RERE: variants seen among roughly 807,000 people sequenced by gnomAD.
RERE encodes arginine-glutamic acid dipeptide repeats.
Under a neutral mutation model 146.1 loss-of-function variants are expected in RERE, and 40 were observed. The observed-to-expected ratio is 0.27, with a 90% CI of 0.21 to 0.36. The LOEUF is 0.36. RERE is among the 10% of genes least tolerant of loss of function. RERE has a pLI of 1.00. For synonymous variants in RERE, 1,003 were observed against 866.0 expected, an observed-to-expected ratio of 1.16 and a Z score of -2.78; for missense variants, 1,933 against 2,138.7, an observed-to-expected ratio of 0.90 and a Z score of 1.90.
chr1:8,631,300 C>T (rs1481786416), intron 2 of RERE, among the ~76,000 whole-genome samples: 3 of 152,104 alleles, frequency 2.0e-5, no homozygotes, highest in Non-Finnish European at 4.4e-5. Context: ...TTTGGGAGGC[C>T]GAGGCAGAGG....
At chr1:8,478,195 A>G (rs1156362174) in intron 10 of RERE, among the ~76,000 whole-genome samples, 2 of 152,204 alleles carry the variant, frequency 1.3e-5, no homozygotes, top group African/African-American at 4.8e-5. Flanking sequence ...GAGACACAAA[A>G]ATTTAGCAAC....
In RERE at chr1:8,423,617, C is replaced by T; in HGVS notation, c.1204-810G>A. On this transcript the variant is annotated intron_variant, in intron 11 of 22. Transcript: ENST00000400908. This position sits in a 1 kb window ranked among gnomAD's most constrained non-coding sequence, Gnocchi z 5.4. ...GACCCCAGCAGCCACAGGTAAGCGC[C>T]CGGGGTCCGGGGCGGCAAGAGGCCG... 1 of 985,224 alleles carries T rather than the reference C, an allele frequency of 1.0e-6. No homozygotes were observed. The highest frequency in any genetic ancestry group is 1.2e-6 in the Non-Finnish European group (1 of 829,886). 61.0% of individuals were successfully genotyped at this position (985,224 alleles called of 1,614,324 possible).
intron 4 of RERE, among the ~76,000 whole-genome samples, chr1:8,601,576 T>A (rs946898739): frequency 6.7e-6 from 1 of 149,594 alleles, no homozygotes; most frequent in Non-Finnish European, 1.5e-5. Context: ...CCTTCCATGA[T>A]CCTTTGGATT....
In RERE at chr1:8,356,042, C is replaced by T. The variant is rs1641277195; in HGVS notation, c.4486+58G>A. 4 of 1,447,564 alleles carry T rather than the reference C, an allele frequency of 2.8e-6. No individual in the cohort carries two copies. In the South Asian group the frequency reaches 4.5e-5, roughly 16 times the overall value. 89.7% of individuals were successfully genotyped at this position (1,447,564 alleles called of 1,614,324 possible). On this transcript the variant is annotated intron_variant, in intron 21 of 22. Coordinates refer to ENST00000400908, the MANE Select transcript of RERE (RefSeq NM_001042681.2). This position sits in a 1 kb window ranked among gnomAD's most constrained non-coding sequence, Gnocchi z 5.2. ...TGAGTAATGAATGAAGACAGCAGAC[C>T]AGACCCCAACCCAACCCTCACACGG...
chr1:8,433,873 A>T (rs12047377), intron 11 of RERE, among the ~76,000 whole-genome samples: 42,389 of 152,132 alleles, frequency 0.28, 6,744 homozygotes, highest in East Asian at 0.75. Context: ...TTCATTTCTA[A>T]AAGAAGTCCT....
Position 8,595,475 on chromosome 1 carries a change from TTATG to T in RERE, c.522+19082_522+19085del, listed in dbSNP as rs1465972957. Among the ~76,000 whole-genome samples the T allele has an allele frequency of 2.0e-5, 3 of 151,804 alleles. No individual in the cohort carries two copies. In the East Asian group the frequency reaches 5.8e-4, roughly 29 times the overall value. On this transcript the variant is annotated intron_variant, in intron 4 of 22. Coordinates refer to ENST00000400908, the MANE Select transcript of RERE (RefSeq NM_001042681.2). The stretch of plus-strand genomic sequence containing the variant: ...GTATTTTATTATTAATGTTTTATTT[TTATG>T]TATTATTTTAATGTATTTATTTTTA...
intron 1 of RERE, among the ~76,000 whole-genome samples, chr1:8,767,196 T>C (rs1179215116): frequency 6.6e-6 from 1 of 152,210 alleles, no homozygotes; most frequent in Non-Finnish European, 1.5e-5. Flanking sequence ...AGTTCTAATT[T>C]GATGGCTTCT....
intron 12 of RERE, among the ~76,000 whole-genome samples, chr1:8,399,806 T>TAAA (rs59690444): frequency 1.3e-5 from 2 of 149,112 alleles, no homozygotes; most frequent in South Asian, 2.1e-4. Context: ...TGTCTTTTTT[T>TAAA]AAAAAAAAAA....
intron 1 of RERE, among the ~76,000 whole-genome samples, chr1:8,686,472 G>C (rs187937992): frequency 6.6e-6 from 1 of 152,154 alleles, no homozygotes; most frequent in Non-Finnish European, 1.5e-5. Context: ...AGATGTAGCC[G>C]GGCACGGTGG....
In RERE at chr1:8,390,453, T is replaced by C. The variant is rs190193833; in HGVS notation, c.1285-24479A>G. ...GGCTCTTCCCCTGCCCACTAATCTA[T>C]GTCCCATAGTCCGAACTGTATCAAT... On this transcript the variant is annotated intron_variant, in intron 12 of 22. Coordinates refer to ENST00000400908, the MANE Select transcript of RERE (RefSeq NM_001042681.2). Among the ~76,000 whole-genome samples, 3 of 152,318 alleles carry C rather than the reference T, an allele frequency of 2.0e-5. No homozygotes were observed. The East Asian group carries it at 5.8e-4, about 29-fold the overall frequency.
chr1:8,474,118 T>TA (rs1460823175), intron 10 of RERE, among the ~76,000 whole-genome samples: 1 of 152,254 alleles, frequency 6.6e-6, no homozygotes, highest in Non-Finnish European at 1.5e-5. Flanking sequence ...TTAATATATA[T>TA]AAGTGCTTTA....
At chr1:8,373,392 G>C (rs1461373727) in intron 12 of RERE, among the ~76,000 whole-genome samples, 3 of 151,904 alleles carry the variant, frequency 2.0e-5, no homozygotes, top group African/African-American at 7.3e-5. Flanking sequence ...CACGTAAAGG[G>C]GATGAAGAAA....
In RERE at chr1:8,355,069, C is replaced by A. The variant is rs138300238; in HGVS notation, c.*18G>T. Reference sequence around the variant, plus strand: ...CAAGAACTGGGGTTTCCACAGCCAGCGTTAACAAATAAATAACTTATAACT... The same window carrying A: ...CAAGAACTGGGGTTTCCACAGCCAGAGTTAACAAATAAATAACTTATAACT... On this transcript the variant is annotated 3_prime_UTR_variant, in exon 23 of 23. Coordinates refer to ENST00000400908, the MANE Select transcript of RERE (RefSeq NM_001042681.2). 1.2e-6 allele frequency: 2 copies of A among 1,610,844 alleles called. No homozygotes were observed. Among genetic ancestry groups the A allele is most frequent in the East Asian group, 4.5e-5 (2 of 44,860 alleles).
chr1:8,762,956 AATT>A (rs1026355341), intron 1 of RERE, among the ~76,000 whole-genome samples: 1 of 152,182 alleles, frequency 6.6e-6, no homozygotes, highest in Admixed American at 6.5e-5. Flanking sequence ...AGGAAAAAAA[AATT>A]ATCACAGTCC....
chr1:8,809,071 G>A (rs1046354335), intron 1 of RERE, among the ~76,000 whole-genome samples: 2 of 148,618 alleles, frequency 1.3e-5, no homozygotes, highest in African/African-American at 5.0e-5. Flanking sequence ...CCGGGAGGCA[G>A]AGCTTGCAGT....
chr1:8,719,246 T>C (rs1396952074), intron 1 of RERE, among the ~76,000 whole-genome samples: 1 of 152,110 alleles, frequency 6.6e-6, no homozygotes, highest in East Asian at 1.9e-4. Context: ...TCCTGCCTCC[T>C]CTCTCCCCTT....
chr1:8,722,052 T>G (rs941854379), intron 1 of RERE, among the ~76,000 whole-genome samples: 1 of 152,232 alleles, frequency 6.6e-6, no homozygotes, highest in African/African-American at 2.4e-5. Context: ...CAGCCCTTTT[T>G]CTGTCTATGA....
At chr1:8,650,771 C>T (rs1647582710) in intron 2 of RERE, among the ~76,000 whole-genome samples, 1 of 152,062 alleles carries the variant, frequency 6.6e-6, no homozygotes, top group Non-Finnish European at 1.5e-5. Flanking sequence ...GTGGCACGCG[C>T]CTGTAATCCC....
chr1:8,580,073 C>T (rs1337084592), intron 4 of RERE, among the ~76,000 whole-genome samples: 1 of 152,082 alleles, frequency 6.6e-6, no homozygotes, highest in African/African-American at 2.4e-5. Context: ...ACAGTAAAAT[C>T]GAAGGACACT....
Sources: gnomAD v4.1 joint callset for allele counts (sites outside exome capture counted in the v4.1 genomes callset) on GRCh38, gnomAD v4.1.1 for gene constraint, Gnocchi (gnomAD v3.1) non-coding constraint, MANE v1.5 for transcripts, NCBI Gene and HGNC (gene_info 2026-07-23, HGNC 2026-07-21) for gene names.